Variants in CDC42EP3 observed in about 807,000 individuals in gnomAD.
CDC42EP3 encodes CDC42 effector protein 3, also known as CDC42 effector protein (Rho GTPase binding) 3.
Under a neutral mutation model 15.5 loss-of-function variants are expected in CDC42EP3, and 4 were observed. That is an observed-to-expected ratio of 0.26 (90% CI 0.13 to 0.59). The LOEUF (loss-of-function observed/expected upper bound fraction) is 0.59. Among genes scored for constraint, CDC42EP3 ranks in the 20% least tolerant of loss-of-function variants. The pLI is 0.89. For synonymous variants in CDC42EP3, 145 were observed against 130.3 expected (o/e 1.11, Z -0.77); for missense variants, 309 against 311.2 (o/e 0.99, Z 0.05).
chr2:37,645,776 G>A lies in CDC42EP3; in HGVS notation c.*47C>T. The A allele has an allele frequency of 2.1e-6, 3 of 1,447,562 alleles. No homozygotes were observed. Among genetic ancestry groups the A allele is most frequent in the Non-Finnish European group, 2.8e-6 (3 of 1,082,010 alleles). 89.7% of individuals were successfully genotyped at this position (1,447,562 alleles called of 1,614,324 possible). On this transcript the variant is annotated 3_prime_UTR_variant, in exon 2 of 2. Coordinates refer to ENST00000295324, the MANE Select transcript of CDC42EP3 (RefSeq NM_006449.5). ...AAGCCCTTCTCTTCAACTGTGGTTAGTTTGTTTTTGTACCTTTTACCCCAA... is the reference window on the plus strand; with the variant it reads ...AAGCCCTTCTCTTCAACTGTGGTTAATTTGTTTTTGTACCTTTTACCCCAA...
At chr2:37,663,873 G>C (rs1159289814) in intron 1 of CDC42EP3, among the ~76,000 whole-genome samples, 1 of 152,170 alleles carries the variant, frequency 6.6e-6, no homozygotes, top group Non-Finnish European at 1.5e-5. Flanking sequence ...AGCGTGGCTA[G>C]GATAAAAGCA....
In CDC42EP3 at chr2:37,645,822, G is replaced by T; in HGVS notation, c.*1C>A. ...CCCAAAGGAAAAAAGTTGGCATCTTGTTACTTATTTTTATCCATTACATTC... is the reference window on the plus strand; with the variant it reads ...CCCAAAGGAAAAAAGTTGGCATCTTTTTACTTATTTTTATCCATTACATTC... On this transcript the variant is annotated 3_prime_UTR_variant, in exon 2 of 2. Transcript: ENST00000295324. 1 of 1,515,532 alleles carries T rather than the reference G, an allele frequency of 6.6e-7. No homozygotes were observed. Among genetic ancestry groups the T allele is most frequent in the South Asian group, 1.3e-5 (1 of 74,280 alleles). The allele number at this position is 1,515,532 out of a possible 1,614,324, so 93.9% of individuals were successfully genotyped here. A position where few individuals can be genotyped will look rare whatever the true frequency, so the allele number is the denominator to read the frequency against.
In CDC42EP3 at chr2:37,646,636, T is replaced by C. The variant is rs762513614; in HGVS notation, c.-49A>G. On this transcript the variant is annotated 5_prime_UTR_variant, in exon 2 of 2. Coordinates refer to ENST00000295324, the MANE Select transcript of CDC42EP3 (RefSeq NM_006449.5). Reference sequence around the variant, plus strand: ...TTGCAAGCGGGAGAAAGGGCCACTTTCTTCACAGATGGTATATGTTTCTGA... The same window carrying C: ...TTGCAAGCGGGAGAAAGGGCCACTTCCTTCACAGATGGTATATGTTTCTGA... 50 of 1,457,548 alleles carry C rather than the reference T, an allele frequency of 3.4e-5. No homozygotes were observed. Among genetic ancestry groups the C allele is most frequent in the Non-Finnish European group, 4.4e-5 (48 of 1,082,396 alleles). The allele number at this position is 1,457,548 out of a possible 1,614,324, so 90.3% of individuals were successfully genotyped here. A position where few individuals can be genotyped will look rare whatever the true frequency, so the allele number is the denominator to read the frequency against.
chr2:37,654,763 T>A (rs1665796148), intron 1 of CDC42EP3, among the ~76,000 whole-genome samples: 1 of 152,228 alleles, frequency 6.6e-6, no homozygotes. Context: ...GCTTTCTCTT[T>A]GAACACGGCA....
chr2:37,656,956 G>A (rs527962962), intron 1 of CDC42EP3, among the ~76,000 whole-genome samples: 46 of 140,610 alleles, frequency 3.3e-4, no homozygotes, highest in Non-Finnish European at 5.7e-4. Flanking sequence ...AACGTCAAAA[G>A]ATTTGAATTG....
intron 1 of CDC42EP3, among the ~76,000 whole-genome samples, chr2:37,648,070 C>T (rs1158525912): frequency 6.6e-6 from 1 of 152,234 alleles, no homozygotes. Flanking sequence ...AGCAACACAT[C>T]CTCCCTGCAC....
In CDC42EP3 at chr2:37,646,267, G is replaced by T; in HGVS notation, c.321C>A (p.Ile107=). 1 of 1,614,208 alleles carries T rather than the reference G, an allele frequency of 6.2e-7. No homozygotes were observed. The highest frequency in any genetic ancestry group is 8.5e-7 in the Non-Finnish European group (1 of 1,180,032). The change falls in exon 2 of 2, where the codon ATC becomes ATA. Residue 107 remains isoleucine, a synonymous_variant. Coordinates refer to ENST00000295324, the MANE Select transcript of CDC42EP3 (RefSeq NM_006449.5). Reference sequence around the variant, plus strand: ...GGGATCCTCCAATGGTCGGGAGGGAGATGGCATTTTTGAGCACCGGGGAGG... The same window carrying T: ...GGGATCCTCCAATGGTCGGGAGGGATATGGCATTTTTGAGCACCGGGGAGG... ...ETPSPVLKNA[I]SLPTIGGSQA...
chr2:37,662,626 C>A (rs1666099493), intron 1 of CDC42EP3, among the ~76,000 whole-genome samples: 1 of 152,192 alleles, frequency 6.6e-6, no homozygotes, highest in African/African-American at 2.4e-5. Context: ...AACCTCACTC[C>A]CCCAGGCTGG....
chr2:37,657,141 C>A (rs1665891971), intron 1 of CDC42EP3, among the ~76,000 whole-genome samples: 1 of 152,110 alleles, frequency 6.6e-6, no homozygotes, highest in Admixed American at 6.5e-5. Flanking sequence ...AGCTCCCTAG[C>A]TTCCTAACTG....
intron 1 of CDC42EP3, among the ~76,000 whole-genome samples, chr2:37,666,686 T>C (rs1250174272): frequency 2.6e-5 from 4 of 152,224 alleles, no homozygotes; most frequent in Admixed American, 2.6e-4. Flanking sequence ...CTCAGCATCA[T>C]GCTTTGTATT....
chr2:37,664,731 A>G (rs887259931), intron 1 of CDC42EP3, among the ~76,000 whole-genome samples: 3 of 152,210 alleles, frequency 2.0e-5, no homozygotes, highest in African/African-American at 7.2e-5. Flanking sequence ...AGGAGCCGGT[A>G]GTCTAATTAG....
At chr2:37,646,963 T>TA (rs1464700940) in intron 1 of CDC42EP3, 141 bp from the exon 2 acceptor site, 1 of 160,208 alleles carries the variant, frequency 6.2e-6, no homozygotes, top group African/African-American at 2.4e-5. Context: ...AGTAAGTGGA[T>TA]AAAAATTTTC....
Position 37,646,831 on chromosome 2 carries a change from G to C in CDC42EP3, c.-235-9C>G, listed in dbSNP as rs1665498706. 1 of 385,936 alleles carries C rather than the reference G, an allele frequency of 2.6e-6. No homozygotes were observed. Among genetic ancestry groups the C allele is most frequent in the East Asian group, 4.7e-5 (1 of 21,318 alleles). 23.9% of individuals were successfully genotyped at this position (385,936 alleles called of 1,614,324 possible). ...CCACAACCAGGACAAACCTGCAGAA[G>C]AAACCAAAGCAGGTTATAAGCTAAA... On this transcript the variant is annotated splice_polypyrimidine_tract_variant and intron_variant, in intron 1 of 1. Coordinates refer to ENST00000295324, the MANE Select transcript of CDC42EP3 (RefSeq NM_006449.5).
chr2:37,648,538 C>T (rs56344180), intron 1 of CDC42EP3, among the ~76,000 whole-genome samples: 23,624 of 152,190 alleles, frequency 0.16, 2,277 homozygotes, highest in East Asian at 0.46. Flanking sequence ...CAACCCAGGC[C>T]GGAGAAGGCT....
chr2:37,651,844 G>A (rs898426013), intron 1 of CDC42EP3, among the ~76,000 whole-genome samples: 2 of 152,168 alleles, frequency 1.3e-5, no homozygotes, highest in African/African-American at 2.4e-5. Flanking sequence ...GGGCCTATAT[G>A]CCATGACTTG....
chr2:37,654,281 T>C (rs1297876101), intron 1 of CDC42EP3, among the ~76,000 whole-genome samples: 4 of 152,090 alleles, frequency 2.6e-5, no homozygotes, highest in Non-Finnish European at 5.9e-5. Flanking sequence ...TGTCCCCGCA[T>C]GTTCAGAGGG....
intron 1 of CDC42EP3, among the ~76,000 whole-genome samples, chr2:37,656,131 C>T (rs1665838340): frequency 1.3e-5 from 2 of 152,358 alleles, no homozygotes; most frequent in South Asian, 2.1e-4. Context: ...CAATAATCCA[C>T]GTTCCTTGGA....
At chr2:37,654,670 T>TG (rs1038945514) in intron 1 of CDC42EP3, among the ~76,000 whole-genome samples, 6 of 152,216 alleles carry the variant, frequency 3.9e-5, no homozygotes, top group Non-Finnish European at 1.5e-5. Flanking sequence ...GTTTCCTGTA[T>TG]GGGAACACGA....
At chr2:37,671,288 A>G (rs1666410268) in intron 1 of CDC42EP3, 138 bp downstream of exon 1, 1 of 152,286 alleles carries the variant, frequency 6.6e-6, no homozygotes, top group African/African-American at 2.4e-5. Flanking sequence ...CTAGATGGGA[A>G]AGCGATGCCC....
Sources: gnomAD v4.1 joint callset for allele counts (sites outside exome capture counted in the v4.1 genomes callset) on GRCh38, gnomAD v4.1.1 for gene constraint, MANE v1.5 for transcripts, NCBI Gene and HGNC (gene_info 2026-07-23, HGNC 2026-07-21) for gene names.